STAG1: variants seen among roughly 807,000 people sequenced by gnomAD.
STAG1 encodes the protein STAG1 cohesin complex component.
A neutral mutation model predicts 170.9 loss-of-function variants in STAG1; 26 were observed. The observed-to-expected ratio is 0.15, with a 90% confidence interval of 0.11 to 0.21. STAG1 has a LOEUF of 0.21. Among genes scored for constraint, STAG1 ranks in the 10% least tolerant of loss-of-function variants. The pLI, the probability that STAG1 is intolerant of heterozygous loss-of-function variation, is 1.00. For missense variants in STAG1, 964 were observed against 1,509.5 expected, an observed-to-expected ratio of 0.64 and a Z score of 5.99; for synonymous variants, 514 against 497.7, an observed-to-expected ratio of 1.03 and a Z score of -0.44.
chr3:136,609,700 G>T, intron 3 of STAG1: 1 of 172,670 alleles, frequency 5.8e-6, no homozygotes, highest in South Asian at 1.5e-4. Flanking sequence ...TTTTTTAGTA[G>T]ATCTAGAAAC....
intron 16 of STAG1, among the ~76,000 whole-genome samples, chr3:136,430,806 G>GACACACAC (rs35492621): frequency 0.029 from 3,768 of 131,054 alleles, 69 homozygotes; most frequent in Non-Finnish European, 0.039. Context: ...GACATAGACA[G>GACACACAC]ACACACACAC....
Position 136,435,084 on chromosome 3 carries a change from T to C in STAG1, c.1547-1425A>G, listed in dbSNP as rs4678430. On this transcript the variant is annotated intron_variant, in intron 15 of 33. Coordinates refer to ENST00000383202, the MANE Select transcript of STAG1 (RefSeq NM_005862.3). The stretch of plus-strand genomic sequence containing the variant: ...TACTGCTTTGATTATACTAGACTTA[T>C]GGCATAATTTGTTATAACTTAATAT... 5.7e-3 allele frequency among the ~76,000 whole-genome samples: 869 copies of C among 152,368 alleles called. 3 individuals carry two copies. The highest frequency in any genetic ancestry group is 9.0e-3 in the Non-Finnish European group (611 of 68,032).
At chr3:136,660,941 C>A (rs1435862208) in intron 1 of STAG1, among the ~76,000 whole-genome samples, 1 of 152,004 alleles carries the variant, frequency 6.6e-6, no homozygotes, top group Non-Finnish European at 1.5e-5. Context: ...TGCACTCCAG[C>A]CTGGGCAACA....
chr3:136,361,004 TTAAACTTTAAAACTTAAAGTG>T (rs1936843614), intron 26 of STAG1, among the ~76,000 whole-genome samples: 1 of 152,204 alleles, frequency 6.6e-6, no homozygotes, highest in Non-Finnish European at 1.5e-5. Context: ...TACAATAGCC[TTAAACTTTAAAACTTAAAGTG>T]TACATTTAAA....
At chr3:136,339,614 T>C (rs539860197) in intron 32 of STAG1, among the ~76,000 whole-genome samples, 1 of 152,326 alleles carries the variant, frequency 6.6e-6, no homozygotes, top group East Asian at 1.9e-4. Flanking sequence ...GCATGATTAA[T>C]TTCTATGTAC....
intron 1 of STAG1, among the ~76,000 whole-genome samples, chr3:136,740,154 G>A (rs1471956786): frequency 3.3e-5 from 5 of 152,078 alleles, no homozygotes; most frequent in African/African-American, 1.2e-4. Flanking sequence ...GGGAGGCTGA[G>A]GCACAAGAAT....
At chr3:136,406,923 T>C (rs1266690335) in intron 21 of STAG1, among the ~76,000 whole-genome samples, 1 of 152,238 alleles carries the variant, frequency 6.6e-6, no homozygotes, top group African/African-American at 2.4e-5. Context: ...TCTGAAATTT[T>C]ATTGTCAAGC....
intron 3 of STAG1, among the ~76,000 whole-genome samples, chr3:136,616,201 G>C (rs1044558721): frequency 6.6e-6 from 1 of 151,660 alleles, no homozygotes; most frequent in Non-Finnish European, 1.5e-5. Flanking sequence ...CCTGGGAGGC[G>C]GAACTTGCAG....
At chr3:136,597,916 G>A (rs933808665) in intron 4 of STAG1, among the ~76,000 whole-genome samples, 1 of 151,946 alleles carries the variant, frequency 6.6e-6, no homozygotes, top group Non-Finnish European at 1.5e-5. Context: ...CTGTAGGTTT[G>A]GGGGAGATAA....
intron 1 of STAG1, among the ~76,000 whole-genome samples, chr3:136,743,268 T>C (rs1934767324): frequency 1.3e-5 from 2 of 151,744 alleles, no homozygotes; most frequent in Admixed American, 1.3e-4. Context: ...CTCGGGAGGC[T>C]GAGGCAGGAG....
chr3:136,460,515 T>C (rs2089242973), intron 13 of STAG1, among the ~76,000 whole-genome samples: 1 of 152,062 alleles, frequency 6.6e-6, no homozygotes, highest in South Asian at 2.1e-4. Flanking sequence ...GGCAGTAGAA[T>C]CGCTTGAACC....
chr3:136,426,172 C>G (rs1259953781), intron 16 of STAG1, among the ~76,000 whole-genome samples: 2 of 151,748 alleles, frequency 1.3e-5, no homozygotes, highest in African/African-American at 4.8e-5. Flanking sequence ...CTTTGGGAGG[C>G]CGAGGCGGGC....
At chr3:136,663,975 G>C (rs1181531309) in intron 1 of STAG1, among the ~76,000 whole-genome samples, 2 of 152,178 alleles carry the variant, frequency 1.3e-5, no homozygotes, top group African/African-American at 4.8e-5. Flanking sequence ...AAGAGCAGGG[G>C]TTAGGGGTGG....
chr3:136,403,240 AAAAAAAAAAAAAAG>A (rs2087385108), intron 21 of STAG1, among the ~76,000 whole-genome samples: 1 of 149,440 alleles, frequency 6.7e-6, no homozygotes, highest in Non-Finnish European at 1.5e-5. Context: ...AAAAAAAAAA[AAAAAAAAAAAAAAG>A]AAAAGAAAAG....
At chr3:136,697,356 C>T (rs1486450834) in intron 1 of STAG1, among the ~76,000 whole-genome samples, 2 of 152,130 alleles carry the variant, frequency 1.3e-5, no homozygotes, top group Non-Finnish European at 2.9e-5. Context: ...GCAAGTTGTT[C>T]GAAATGCAAA....
intron 6 of STAG1, among the ~76,000 whole-genome samples, chr3:136,523,538 G>A (rs907252230): frequency 6.6e-5 from 10 of 152,074 alleles, no homozygotes; most frequent in Admixed American, 5.9e-4. Flanking sequence ...CTCCCATTCT[G>A]TAGGTTACCT....
intron 1 of STAG1, among the ~76,000 whole-genome samples, chr3:136,633,559 G>A (rs1317706482): frequency 2.0e-5 from 3 of 152,104 alleles, no homozygotes; most frequent in Middle Eastern, 3.4e-3. Context: ...AATTAGCCAG[G>A]TGTGGTGGCA....
chr3:136,439,911 G>A (rs2088581078), intron 15 of STAG1, among the ~76,000 whole-genome samples: 1 of 152,068 alleles, frequency 6.6e-6, no homozygotes, highest in Non-Finnish European at 1.5e-5. Context: ...CCCAAGCCAA[G>A]CCAAACCAAC....
chr3:136,617,066 A>G (rs568042473), intron 3 of STAG1, among the ~76,000 whole-genome samples: 2 of 152,214 alleles, frequency 1.3e-5, no homozygotes, highest in Non-Finnish European at 2.9e-5. Flanking sequence ...AAAAAAAACA[A>G]TGGCTATACA....
Sources: allele counts gnomAD v4.1 joint callset (sites outside exome capture counted in the v4.1 genomes callset), GRCh38; gene constraint gnomAD v4.1.1; transcripts MANE v1.5; gene names NCBI Gene and HGNC (gene_info 2026-07-23, HGNC 2026-07-21).